The following KCNQ1 variants were observed in gnomAD, a reference collection of about 807,000 sequenced individuals.
KCNQ1 encodes the protein potassium voltage-gated channel subfamily KQT member 1.
Under a neutral mutation model 72.4 loss-of-function variants are expected in KCNQ1, and 49 were observed. The observed-to-expected ratio is 0.68, with a 90% CI of 0.54 to 0.86. KCNQ1 has a LOEUF of 0.86. Ranked by LOEUF, KCNQ1 falls within the 40% of genes least tolerant of loss-of-function variation. The probability of loss-of-function intolerance (pLI) is 0.00; values close to 1 mark genes in which losing one functional copy is unlikely to be tolerated. For synonymous variants in KCNQ1, 450 were observed against 412.6 expected, an observed-to-expected ratio of 1.09 and a Z score of -1.10; for missense variants, 790 against 945.1, an observed-to-expected ratio of 0.84 and a Z score of 2.15.
intron 1 of KCNQ1, among the ~76,000 whole-genome samples, chr11:2,512,104 C>G (rs1222535472): frequency 1.3e-5 from 2 of 152,208 alleles, no homozygotes; most frequent in Non-Finnish European, 2.9e-5. Context: ...AGGTGCCTCC[C>G]AAATGCCAGG....
At chr11:2,681,940 A>G (rs983052598) in intron 11 of KCNQ1, 1 of 398,482 alleles carries the variant, frequency 2.5e-6, no homozygotes, top group Non-Finnish European at 4.4e-6. Context: ...ATAATCTTCA[A>G]ATGATACTAC....
At chr11:2,580,102 G>A (rs774912852) in intron 6 of KCNQ1, among the ~76,000 whole-genome samples, 10 of 152,146 alleles carry the variant, frequency 6.6e-5, no homozygotes, top group East Asian at 1.9e-4. Flanking sequence ...ATGCCAGCCC[G>A]TGCCATTTGT....
Position 2,828,363 on chromosome 11 carries a change from C to G in KCNQ1, c.1795-19404C>G, listed in dbSNP as rs564385342. 6.6e-6 allele frequency among the ~76,000 whole-genome samples: 1 copy of G among 152,124 alleles called. No homozygotes were observed. The highest frequency in any genetic ancestry group is 1.5e-5 in the Non-Finnish European group (1 of 68,024). Reference sequence around the variant, plus strand: ...GCTTCTTTGAATCCCACTAAGGTGACAGTAAAGGCATGAAAAACATGGAAA... The same window carrying G: ...GCTTCTTTGAATCCCACTAAGGTGAGAGTAAAGGCATGAAAAACATGGAAA... On this transcript the variant is annotated intron_variant, in intron 15 of 15. Coordinates refer to ENST00000155840, the MANE Select transcript of KCNQ1 (RefSeq NM_000218.3). This position sits in a 1 kb window ranked among gnomAD's most constrained non-coding sequence, Gnocchi z 5.3.
intron 1 of KCNQ1, among the ~76,000 whole-genome samples, chr11:2,459,018 C>A (rs1464289351): frequency 2.0e-5 from 3 of 152,226 alleles, no homozygotes; most frequent in Non-Finnish European, 4.4e-5. Context: ...ATTTCTGATT[C>A]CCGTGCCCAG....
chr11:2,546,598 T>C (rs1847905222), intron 2 of KCNQ1, among the ~76,000 whole-genome samples: 2 of 152,170 alleles, frequency 1.3e-5, no homozygotes, highest in African/African-American at 4.8e-5. Flanking sequence ...TATTCTTCAG[T>C]TCTTTATTCT....
Position 2,784,236 on chromosome 11 carries a change from A to T in KCNQ1, c.1794+6199A>T, listed in dbSNP as rs986232975. On this transcript the variant is annotated intron_variant, in intron 15 of 15. Coordinates refer to ENST00000155840, the MANE Select transcript of KCNQ1 (RefSeq NM_000218.3). The surrounding 1 kb of genome is among the most constrained non-coding windows in gnomAD (Gnocchi z 4.7). Reference sequence around the variant, plus strand: ...TTTTATTCTTACTTATGGATATCCAATTGCCCCAGAACATTTGTTGAAAAT... The same window carrying T: ...TTTTATTCTTACTTATGGATATCCATTTGCCCCAGAACATTTGTTGAAAAT... 2.6e-5 allele frequency among the ~76,000 whole-genome samples: 4 copies of T among 152,018 alleles called. No individual in the cohort carries two copies. In the East Asian group the frequency reaches 5.8e-4, roughly 22 times the overall value.
At chr11:2,644,769 G>C in intron 10 of KCNQ1, 2 of 398,562 alleles carry the variant, frequency 5.0e-6, no homozygotes, top group Non-Finnish European at 8.8e-6. Context: ...TTTGATTCTG[G>C]GTGCCTGCAG....
At chr11:2,755,541 G>A (rs1199491691) in intron 11 of KCNQ1, among the ~76,000 whole-genome samples, 2 of 152,262 alleles carry the variant, frequency 1.3e-5, no homozygotes, top group South Asian at 2.1e-4. Flanking sequence ...TTATAGGCAT[G>A]AGCCACTGTG....
intron 15 of KCNQ1, among the ~76,000 whole-genome samples, chr11:2,834,319 G>A (rs536573545): frequency 1.4e-3 from 219 of 152,264 alleles, no homozygotes; most frequent in Non-Finnish European, 2.4e-3. Context: ...GCCCAGGTGC[G>A]GTGCTGAGGC....
chr11:2,777,676 G>T (rs1471650226), intron 14 of KCNQ1: 2 of 597,838 alleles, frequency 3.3e-6, no homozygotes, highest in Non-Finnish European at 3.0e-6. Context: ...GAGTGGAATG[G>T]CATGGGCTTG....
intron 11 of KCNQ1, among the ~76,000 whole-genome samples, chr11:2,708,682 T>C (rs941685869): frequency 3.3e-5 from 5 of 152,026 alleles, no homozygotes; most frequent in African/African-American, 9.7e-5. Context: ...CCTCAGCTCT[T>C]AGGAGGCAGA....
chr11:2,488,131 G>C lies in KCNQ1; in HGVS notation c.387-39797G>C, dbSNP rs1451372128. Among the ~76,000 whole-genome samples the C allele has an allele frequency of 6.6e-6, 1 of 152,096 alleles. No homozygotes were observed. The highest frequency in any genetic ancestry group is 1.5e-5 in the Non-Finnish European group (1 of 67,980). On this transcript the variant is annotated intron_variant, in intron 1 of 15. Coordinates refer to ENST00000155840, the MANE Select transcript of KCNQ1 (RefSeq NM_000218.3). The surrounding 1 kb of genome is among the most constrained non-coding windows in gnomAD (Gnocchi z 5.1). ...ATTGAGATCATGTGATCATGTGAGT[G>C]TTATTTCTTCATTCTGTTAATATGC... is the stretch of plus-strand genomic sequence containing the variant.
At position 2,826,729 on chromosome 11, in the gene KCNQ1, G is replaced by A. The variant is rs865890052; in HGVS notation, c.1795-21038G>A. Among the ~76,000 whole-genome samples the A allele has an allele frequency of 1.4e-4, 22 of 152,238 alleles. No individual in the cohort carries two copies. Among genetic ancestry groups the A allele is most frequent in the African/African-American group, 5.1e-4 (21 of 41,466 alleles). On this transcript the variant is annotated intron_variant, in intron 15 of 15. Coordinates refer to ENST00000155840, the MANE Select transcript of KCNQ1 (RefSeq NM_000218.3). The surrounding 1 kb of genome is among the most constrained non-coding windows in gnomAD (Gnocchi z 4.2). Reference sequence around the variant, plus strand: ...GCTCCCCTGGGCACCCCTCGTCTTGGGGCCCCTGCCCTGCCTCCACTCAGA... The same window carrying A: ...GCTCCCCTGGGCACCCCTCGTCTTGAGGCCCCTGCCCTGCCTCCACTCAGA...
At chr11:2,456,525 G>A (rs968338257) in intron 1 of KCNQ1, among the ~76,000 whole-genome samples, 3 of 152,012 alleles carry the variant, frequency 2.0e-5, no homozygotes, top group Non-Finnish European at 2.9e-5. Context: ...ATAACCTACA[G>A]AATGGGAGAA....
chr11:2,684,811 C>T (rs1467459030), intron 11 of KCNQ1: 1 of 398,558 alleles, frequency 2.5e-6, no homozygotes, highest in African/African-American at 2.1e-5. Context: ...CATTCCAAGG[C>T]TTGAGGTCTC....
chr11:2,652,013 G>T lies in KCNQ1; in HGVS notation c.1394-9948G>T, dbSNP rs1322263466. On this transcript the variant is annotated intron_variant, in intron 10 of 15. Transcript: ENST00000155840. The surrounding 1 kb of genome is among the most constrained non-coding windows in gnomAD (Gnocchi z 5.9). Reference sequence around the variant, plus strand: ...CATCAGTTGTTAACATAATTTTGATGTTGAGCCTCCCCCCAGTTCTGGGGT... The same window carrying T: ...CATCAGTTGTTAACATAATTTTGATTTTGAGCCTCCCCCCAGTTCTGGGGT... 2 of 398,538 alleles carry T rather than the reference G, an allele frequency of 5.0e-6. No homozygotes were observed. Among genetic ancestry groups the T allele is most frequent in the Non-Finnish European group, 4.4e-6 (1 of 226,090 alleles). 24.7% of individuals were successfully genotyped at this position (398,538 alleles called of 1,614,324 possible).
At position 2,506,821 on chromosome 11, in the gene KCNQ1, C is replaced by T. The variant is rs1847112710; in HGVS notation, c.387-21107C>T. Reference sequence around the variant, plus strand: ...GTTTTAATCTGTATTTCTGTAATTACATTGAATTTGAATGTTTTCCCTGTG... The same window carrying T: ...GTTTTAATCTGTATTTCTGTAATTATATTGAATTTGAATGTTTTCCCTGTG... On this transcript the variant is annotated intron_variant, in intron 1 of 15. Coordinates refer to ENST00000155840, the MANE Select transcript of KCNQ1 (RefSeq NM_000218.3). 3.9e-5 allele frequency among the ~76,000 whole-genome samples: 6 copies of T among 152,310 alleles called. No individual in the cohort carries two copies. The South Asian group carries it at 1.2e-3, about 32-fold the overall frequency.
intron 1 of KCNQ1, among the ~76,000 whole-genome samples, chr11:2,474,841 A>T (rs904799856): frequency 6.6e-6 from 1 of 151,818 alleles, no homozygotes; most frequent in African/African-American, 2.4e-5. Context: ...ACGGTGGGGG[A>T]CTTGCCTATG....
chr11:2,722,842 T>TG (rs1845692113), intron 11 of KCNQ1, among the ~76,000 whole-genome samples: 1 of 152,086 alleles, frequency 6.6e-6, no homozygotes, highest in East Asian at 1.9e-4. Context: ...ACCAGGGCCC[T>TG]GTGAGGCAGT....
Sources: allele counts gnomAD v4.1 joint callset (sites outside exome capture counted in the v4.1 genomes callset), GRCh38; gene constraint gnomAD v4.1.1; non-coding constraint Gnocchi (gnomAD v3.1); transcripts MANE v1.5; gene names NCBI Gene and HGNC (gene_info 2026-07-23, HGNC 2026-07-21).